Variants in PRKN observed in about 807,000 individuals in gnomAD.
PRKN encodes the protein E3 ubiquitin-protein ligase parkin.
PRKN carries 56 observed loss-of-function variants against 59.5 expected under a neutral mutation model. The observed-to-expected ratio is 0.94, with a 90% CI of 0.76 to 1.18. PRKN has a LOEUF of 1.18. PRKN is among the 50% of genes most tolerant of loss of function. The probability of loss-of-function intolerance (pLI) is 0.00; values close to 1 mark genes in which losing one functional copy is unlikely to be tolerated. For missense variants in PRKN, 657 were observed against 596.4 expected (o/e 1.10, Z -1.06); for synonymous variants, 250 against 222.1 (o/e 1.13, Z -1.12).
At chr6:161,843,937 C>A (rs1793094077) in intron 6 of PRKN, among the ~76,000 whole-genome samples, 1 of 152,140 alleles carries the variant, frequency 6.6e-6, no homozygotes, top group Non-Finnish European at 1.5e-5. Context: ...GAGATGGTAA[C>A]CTGCGTGGAA....
chr6:161,992,311 G>A (rs554969152), intron 5 of PRKN, among the ~76,000 whole-genome samples: 3 of 152,286 alleles, frequency 2.0e-5, no homozygotes, highest in Non-Finnish European at 4.4e-5. Flanking sequence ...CAGCACTCCA[G>A]CCTGGGCAAA....
intron 1 of PRKN, among the ~76,000 whole-genome samples, chr6:162,556,794 G>A (rs1024285908): frequency 2.0e-5 from 3 of 149,598 alleles, no homozygotes; most frequent in Non-Finnish European, 3.0e-5. Flanking sequence ...TAGAACAGGA[G>A]AATGCAAGTG....
At chr6:161,443,810 G>A (rs868556426) in intron 9 of PRKN, among the ~76,000 whole-genome samples, 1 of 152,214 alleles carries the variant, frequency 6.6e-6, no homozygotes, top group African/African-American at 2.4e-5. Flanking sequence ...GGTAGGCAGA[G>A]CCAAGGGGTT....
At chr6:161,589,310 T>C (rs920749285) in intron 7 of PRKN, among the ~76,000 whole-genome samples, 22 of 152,176 alleles carry the variant, frequency 1.4e-4, no homozygotes, top group African/African-American at 5.3e-4. Flanking sequence ...CGTATTTTAA[T>C]TCCTTTCTCC....
intron 4 of PRKN, among the ~76,000 whole-genome samples, chr6:162,057,269 A>G (rs1241488925): frequency 1.3e-5 from 2 of 152,220 alleles, no homozygotes; most frequent in African/African-American, 4.8e-5. Context: ...TAACACTGTT[A>G]AAACTGAACA....
chr6:162,329,509 G>C (rs549933140), intron 2 of PRKN, among the ~76,000 whole-genome samples: 137 of 152,248 alleles, frequency 9.0e-4, no homozygotes, highest in Middle Eastern at 3.4e-3. Flanking sequence ...TGAGCATCAG[G>C]TCTGGCCTTG....
chr6:161,569,415 A>T lies in PRKN; in HGVS notation c.873T>A (p.Ala291=). ...CTTTAATCAAGGAGTTGGGACAGCC[A>T]GCTGTTGGAAAGAAGAATTAATCAC... ...PQLGYSLPCV[A]GCPNSLIKEL... is the part of the protein sequence containing the mutation. The change falls in exon 8 of 12, where the codon GCT becomes GCA. Residue 291 remains alanine, a splice_region_variant and synonymous_variant. Coordinates refer to ENST00000366898, the MANE Select transcript of PRKN (RefSeq NM_004562.3). 1.2e-6 allele frequency: 2 copies of T among 1,613,450 alleles called. No individual in the cohort carries two copies. Among genetic ancestry groups the T allele is most frequent in the Non-Finnish European group, 1.7e-6 (2 of 1,179,370 alleles).
rs529951683 is a variant in PRKN, at chr6:161,499,856, C to T, written c.1083+48998G>A. On this transcript the variant is annotated intron_variant, in intron 9 of 11. Transcript: ENST00000366898. This position sits in a 1 kb window ranked among gnomAD's most constrained non-coding sequence, Gnocchi z 4.2. ...AAGGTAGAATTTGGATGCCAAAATG[C>T]TATGATTTCTGAAATGGTGTCCAGG... is the stretch of plus-strand genomic sequence containing the variant. 6.6e-6 allele frequency among the ~76,000 whole-genome samples: 1 copy of T among 152,276 alleles called. No homozygotes were observed. Among genetic ancestry groups the T allele is most frequent in the African/African-American group, 2.4e-5 (1 of 41,570 alleles).
At chr6:162,253,179 A>G (rs1779506992) in intron 3 of PRKN, among the ~76,000 whole-genome samples, 1 of 152,230 alleles carries the variant, frequency 6.6e-6, no homozygotes, top group South Asian at 2.1e-4. Flanking sequence ...GAGCATATCT[A>G]TCGAAATGGT....
intron 4 of PRKN, among the ~76,000 whole-genome samples, chr6:162,141,769 A>G (rs1030525030): frequency 1.3e-5 from 2 of 152,228 alleles, no homozygotes; most frequent in Non-Finnish European, 2.9e-5. Flanking sequence ...GCTTATGTAC[A>G]TGGAGTTAAC....
chr6:162,346,920 T>G (rs1220131626), intron 2 of PRKN, among the ~76,000 whole-genome samples: 1 of 151,886 alleles, frequency 6.6e-6, no homozygotes, highest in African/African-American at 2.4e-5. Flanking sequence ...TTTCTAAATT[T>G]GCTTTCCTAG....
intron 7 of PRKN, among the ~76,000 whole-genome samples, chr6:161,736,567 G>T (rs202028141): frequency 1.3e-5 from 2 of 152,194 alleles, no homozygotes; most frequent in African/African-American, 2.4e-5. Context: ...AAGAAAAGGA[G>T]GCTGAGACCT....
intron 1 of PRKN, among the ~76,000 whole-genome samples, chr6:162,546,100 G>GT (rs11396761): frequency 0.11 from 13,256 of 116,598 alleles, 1,445 homozygotes; most frequent in African/African-American, 0.22. Context: ...AGTGTATGCA[G>GT]TTTTTTTTTT....
chr6:161,354,391 G>A lies in PRKN; in HGVS notation c.1286-4180C>T, dbSNP rs1288435098. On this transcript the variant is annotated intron_variant, in intron 11 of 11. Transcript: ENST00000366898. This position sits in a 1 kb window ranked among gnomAD's most constrained non-coding sequence, Gnocchi z 6.7. ...AACCATGAAAAGCTCAGCCTACGCC[G>A]GGCAGTCGACATCGTGGCTCCGGCC... Among the ~76,000 whole-genome samples the A allele has an allele frequency of 1.3e-5, 2 of 152,132 alleles. No individual in the cohort carries two copies. The highest frequency in any genetic ancestry group is 3.9e-4 in the East Asian group (2 of 5,194).
At chr6:162,301,085 T>C (rs977047506) in intron 2 of PRKN, among the ~76,000 whole-genome samples, 7 of 152,082 alleles carry the variant, frequency 4.6e-5, no homozygotes, top group African/African-American at 1.7e-4. Context: ...GAAGAAATCG[T>C]TTAATTGTAT....
chr6:162,592,615 G>A (rs1044923580), intron 1 of PRKN, among the ~76,000 whole-genome samples: 1 of 152,086 alleles, frequency 6.6e-6, no homozygotes, highest in African/African-American at 2.4e-5. Flanking sequence ...ACCAAAAGAG[G>A]TGTGTTCACT....
chr6:162,576,873 G>A (rs1018963616), intron 1 of PRKN, among the ~76,000 whole-genome samples: 1 of 149,370 alleles, frequency 6.7e-6, no homozygotes, highest in Admixed American at 6.6e-5. Flanking sequence ...GACGAATTGA[G>A]AGCGAGGATT....
chr6:161,673,642 G>A (rs12205900), intron 7 of PRKN, among the ~76,000 whole-genome samples: 8,723 of 152,272 alleles, frequency 0.057, 297 homozygotes, highest in South Asian at 0.099. Context: ...AGGCTGGAAG[G>A]AGAAGCAGCA....
At position 161,401,467 on chromosome 6, in the gene PRKN, G is replaced by C. The variant is rs1225077290; in HGVS notation, c.1084-14590C>G. 1.3e-5 allele frequency among the ~76,000 whole-genome samples: 2 copies of C among 152,074 alleles called. No individual in the cohort carries two copies. The highest frequency in any genetic ancestry group is 2.9e-5 in the Non-Finnish European group (2 of 68,016). On this transcript the variant is annotated intron_variant, in intron 9 of 11. Coordinates refer to ENST00000366898, the MANE Select transcript of PRKN (RefSeq NM_004562.3). This position sits in a 1 kb window ranked among gnomAD's most constrained non-coding sequence, Gnocchi z 4.4. ...CTCTACTAAAAATACAAAAACGTTAGCTGGGCGTGGTGGTGGACGCCTGTA... is the reference window on the plus strand; with the variant it reads ...CTCTACTAAAAATACAAAAACGTTACCTGGGCGTGGTGGTGGACGCCTGTA...
Sources: allele counts gnomAD v4.1 joint callset (sites outside exome capture counted in the v4.1 genomes callset), GRCh38; gene constraint gnomAD v4.1.1; non-coding constraint Gnocchi (gnomAD v3.1); transcripts MANE v1.5; gene names NCBI Gene and HGNC (gene_info 2026-07-23, HGNC 2026-07-21).